The following PITX3 variants were observed in gnomAD, a reference collection of about 807,000 sequenced individuals.
PITX3 encodes paired like homeodomain 3, also known as pituitary homeobox 3.
In PITX3, 4 loss-of-function variants were observed where a neutral mutation model predicts 14.2. The ratio of observed to expected loss-of-function variants is 0.28; its 90% CI spans 0.14 to 0.65. The LOEUF (loss-of-function observed/expected upper bound fraction) is 0.65, where lower values mean the gene tolerates loss of function less well. Among genes scored for constraint, PITX3 ranks in the 30% least tolerant of loss-of-function variants. PITX3 has a pLI of 0.82. For missense variants in PITX3, 358 were observed against 426.8 expected (o/e 0.84, Z 1.42); for synonymous variants, 194 against 204.5 (o/e 0.95, Z 0.44).
chr10:102,239,738 CA>C (rs2070484075), intron 1 of PITX3, among the ~76,000 whole-genome samples: 1 of 152,224 alleles, frequency 6.6e-6, no homozygotes, highest in Admixed American at 6.5e-5. Flanking sequence ...CTATCTTGCT[CA>C]CTTATATGGA....
intron 1 of PITX3, among the ~76,000 whole-genome samples, chr10:102,235,097 G>A (rs1032282098): frequency 2.8e-4 from 43 of 151,726 alleles, no homozygotes; most frequent in Middle Eastern, 3.2e-3. Context: ...GACACGTACC[G>A]TCACACAGTC....
intron 3 of PITX3, 125 bp downstream of exon 3, chr10:102,231,463 G>A: frequency 1.5e-6 from 1 of 668,568 alleles, no homozygotes; most frequent in Non-Finnish European, 2.5e-6. Context: ...GCTGCGGCCG[G>A]GAGCCAGGGT....
intron 1 of PITX3, 50 bp from the exon 2 acceptor site, chr10:102,232,142 G>A (rs1309081015): frequency 9.9e-7 from 1 of 1,012,250 alleles, no homozygotes. Context: ...AAAATCTCCG[G>A]CTTAGCTAGG....
intron 1 of PITX3, among the ~76,000 whole-genome samples, chr10:102,234,273 C>T (rs1240506234): frequency 1.3e-5 from 2 of 152,172 alleles, no homozygotes; most frequent in Non-Finnish European, 2.9e-5. Context: ...CACTCCCCAC[C>T]CCACCTCTCA....
intron 1 of PITX3, among the ~76,000 whole-genome samples, chr10:102,233,535 C>T (rs767376913): frequency 7.9e-5 from 12 of 152,088 alleles, no homozygotes; most frequent in South Asian, 2.1e-4. Flanking sequence ...AACTCCTCAT[C>T]GCAGGTGATC....
rs2070200778 is a variant in PITX3 at position 102,230,463 on chromosome 10, G to C, written c.*51C>G. The C allele has an allele frequency of 1.3e-6, 2 of 1,571,328 alleles. No homozygotes were observed. Among genetic ancestry groups the C allele is most frequent in the East Asian group, 4.6e-5 (2 of 43,196 alleles). ...AGTCAAAATGACCCCAGTCCGCGGA[G>C]GCTGTGAATCGTTGCCCCCGCCCTC... On this transcript the variant is annotated 3_prime_UTR_variant, in exon 4 of 4. Coordinates refer to ENST00000370002, the MANE Select transcript of PITX3 (RefSeq NM_005029.4).
intron 1 of PITX3, among the ~76,000 whole-genome samples, chr10:102,236,492 G>A (rs1221039171): frequency 1.3e-5 from 2 of 152,188 alleles, no homozygotes; most frequent in African/African-American, 2.4e-5. Flanking sequence ...CCAGGCCCAG[G>A]GAGTACAGAG....
chr10:102,233,569 G>T (rs1346118258), intron 1 of PITX3, among the ~76,000 whole-genome samples: 1 of 152,046 alleles, frequency 6.6e-6, no homozygotes, highest in Non-Finnish European at 1.5e-5. Context: ...CTCCCAAAGT[G>T]CTGGAATTAC....
At chr10:102,231,178 C>A in intron 3 of PITX3, 77 bp from the exon 4 acceptor site, 1 of 1,367,392 alleles carries the variant, frequency 7.3e-7, no homozygotes, top group Non-Finnish European at 9.6e-7. Context: ...CCCGACGGGG[C>A]TTCCAGCCGG....
Position 102,231,932 on chromosome 10 carries a change from G to A in PITX3, c.118+31C>T, listed in dbSNP as rs760513372. 4.4e-6 allele frequency: 7 copies of A among 1,577,306 alleles called. No individual in the cohort carries two copies. In the African/African-American group the frequency reaches 6.7e-5, roughly 15 times the overall value. On this transcript the variant is annotated intron_variant, in intron 2 of 3. Coordinates refer to ENST00000370002, the MANE Select transcript of PITX3 (RefSeq NM_005029.4). The stretch of plus-strand genomic sequence containing the variant: ...CCCGCACTGGGGATGAAGCTGTTAT[G>A]TCCTGCACCCCCGGAAGGGGGCGCG...
intron 1 of PITX3, among the ~76,000 whole-genome samples, chr10:102,235,384 G>C (rs921111934): frequency 7.9e-5 from 12 of 152,226 alleles, no homozygotes; most frequent in African/African-American, 2.9e-4. Context: ...TCTCAGGAAA[G>C]TCATCTGGTA....
intron 1 of PITX3, among the ~76,000 whole-genome samples, chr10:102,235,403 AG>A (rs1443179386): frequency 6.6e-6 from 1 of 152,116 alleles, no homozygotes; most frequent in Non-Finnish European, 1.5e-5. Context: ...TATAGCCCAA[AG>A]AAATTAGGTT....
intron 1 of PITX3, among the ~76,000 whole-genome samples, chr10:102,238,320 A>G (rs1464798551): frequency 6.6e-6 from 1 of 152,186 alleles, no homozygotes; most frequent in Admixed American, 6.5e-5. Flanking sequence ...TTCAGTCACC[A>G]CAAGTCAGCT....
rs2070258365 is a variant in PITX3, at chr10:102,232,010, G to A, written c.71C>T (p.Pro24Leu). The A allele has an allele frequency of 3.7e-6, 6 of 1,609,900 alleles. No individual in the cohort carries two copies. The highest frequency in any genetic ancestry group is 3.3e-5 in the Admixed American group (2 of 59,910). The change falls in exon 2 of 4, where the codon CCG becomes CTG. Residue 24 changes from proline (P) to leucine (L), a missense_variant. By Grantham distance (98) the Pro-to-Leu change is moderately conservative. Around this residue, in one of 3 missense-constraint regions of PITX3, gnomAD observed 72 missense variants for 79.9 expected, o/e 0.90. Transcript: ENST00000370002. ...GCCGTGCTCTGGGAGCTGGGGGTGC[G>A]GAGTGCCAGCGTCTGACAGCGACAG... ...PALSLSDAGT[P>L]HPQLPEHGCK...
chr10:102,238,068 G>A (rs1191545639), intron 1 of PITX3, among the ~76,000 whole-genome samples: 3 of 152,180 alleles, frequency 2.0e-5, no homozygotes, highest in Non-Finnish European at 4.4e-5. Context: ...AAAAGGCCCC[G>A]GGGCAGGACA....
chr10:102,237,270 C>A (rs1343357416), intron 1 of PITX3, among the ~76,000 whole-genome samples: 1 of 151,998 alleles, frequency 6.6e-6, no homozygotes. Flanking sequence ...GAAGGTGGTA[C>A]CGAGTGTTGG....
Position 102,231,105 on chromosome 10 carries a change from C to T in PITX3, c.322-4G>A. Reference sequence around the variant, plus strand: ...CGCGCCGGTTCTTGAACCACACCTGCGGGCACGGGAGAAAGGCGGTCAGGG... The same window carrying T: ...CGCGCCGGTTCTTGAACCACACCTGTGGGCACGGGAGAAAGGCGGTCAGGG... On this transcript the variant is annotated splice_polypyrimidine_tract_variant and splice_region_variant and intron_variant, in intron 3 of 3. Coordinates refer to ENST00000370002, the MANE Select transcript of PITX3 (RefSeq NM_005029.4). The T allele has an allele frequency of 6.5e-7, 1 of 1,538,340 alleles. No individual in the cohort carries two copies. The highest frequency in any genetic ancestry group is 2.3e-5 in the East Asian group (1 of 43,074).
intron 1 of PITX3, among the ~76,000 whole-genome samples, chr10:102,234,598 C>G (rs1170011500): frequency 6.6e-6 from 1 of 152,098 alleles, no homozygotes; most frequent in African/African-American, 2.4e-5. Context: ...AGGGTTAGAA[C>G]TGAGAGTTGG....
intron 1 of PITX3, among the ~76,000 whole-genome samples, chr10:102,238,814 T>C (rs964826177): frequency 3.3e-5 from 5 of 152,190 alleles, no homozygotes; most frequent in Non-Finnish European, 7.3e-5. Context: ...TTCTGCTCTT[T>C]CCATGCCTCA....
Sources: gnomAD v4.1 joint callset for allele counts (sites outside exome capture counted in the v4.1 genomes callset) on GRCh38, gnomAD v4.1.1 for gene constraint, gnomAD v4.1.1 regional missense constraint, MANE v1.5 for transcripts, NCBI Gene and HGNC (gene_info 2026-07-23, HGNC 2026-07-21) for gene names.